The following CUX1 variants were observed in gnomAD, a reference collection of about 807,000 sequenced individuals.
CUX1 encodes the protein cut like homeobox 1.
Under a neutral mutation model 158.8 loss-of-function variants are expected in CUX1, and 31 were observed. That is an observed-to-expected ratio of 0.20 (90% CI 0.15 to 0.26). The LOEUF (loss-of-function observed/expected upper bound fraction) is 0.26, where lower values mean the gene tolerates loss of function less well. Among genes scored for constraint, CUX1 ranks in the 10% least tolerant of loss-of-function variants. CUX1 has a pLI of 1.00. For missense variants in CUX1, 1,589 were observed against 2,014.6 expected, an observed-to-expected ratio of 0.79 and a Z score of 4.04; for synonymous variants, 879 against 862.1, an observed-to-expected ratio of 1.02 and a Z score of -0.34.
At chr7:102,246,167 G>A (rs1800787169) in intron 23 of CUX1, among the ~76,000 whole-genome samples, 1 of 151,990 alleles carries the variant, frequency 6.6e-6, no homozygotes, top group East Asian at 1.9e-4. Flanking sequence ...TACCCATATA[G>A]CCTCCCGCCT....
At chr7:102,038,831 T>C (rs2129643499) in intron 3 of CUX1, among the ~76,000 whole-genome samples, 1 of 152,270 alleles carries the variant, frequency 6.6e-6, no homozygotes, top group Non-Finnish European at 1.5e-5. Flanking sequence ...GGCACATGCC[T>C]GTAGTCCCAG....
rs1554537827 is a variant in CUX1, at chr7:102,248,515, C to T, written c.3991C>T (p.Pro1331Ser). ...SPSARSGRAA[P>S]SSEGDSCDGV... The stretch of plus-strand genomic sequence containing the variant: ...CTCGGCCCGCAGCGGCCGGGCGGCG[C>T]CCAGCTCGGAGGGCGACAGCTGCGA... The change falls in exon 24 of 24, where the codon CCC becomes TCC. Residue 1331 changes from proline to serine, a missense_variant. Transcript: ENST00000292535. The surrounding 1 kb of genome is among the most constrained non-coding windows in gnomAD (Gnocchi z 5.8). 4.5e-6 allele frequency: 7 copies of T among 1,545,160 alleles called. 1 individual carries two copies. Among genetic ancestry groups the T allele is most frequent in the Non-Finnish European group, 6.1e-6 (7 of 1,149,046 alleles).
chr7:102,197,698 A>G (rs1193039431), intron 15 of CUX1, among the ~76,000 whole-genome samples: 1 of 152,114 alleles, frequency 6.6e-6, no homozygotes, highest in African/African-American at 2.4e-5. Flanking sequence ...CCATAGCAGC[A>G]ACGTTGACTG....
At chr7:101,839,106 T>C (rs1384844567) in intron 1 of CUX1, among the ~76,000 whole-genome samples, 1 of 152,206 alleles carries the variant, frequency 6.6e-6, no homozygotes, top group Non-Finnish European at 1.5e-5. Context: ...TCATGAGGGC[T>C]TTACCCTAGT....
At chr7:101,821,389 A>T (rs1174201564) in intron 1 of CUX1, among the ~76,000 whole-genome samples, 4 of 148,202 alleles carry the variant, frequency 2.7e-5, no homozygotes, top group African/African-American at 1.0e-4. Flanking sequence ...CCCAGGCCGG[A>T]GTGCAGAGGC....
chr7:101,880,810 C>T (rs1799627556), intron 1 of CUX1, among the ~76,000 whole-genome samples: 1 of 152,178 alleles, frequency 6.6e-6, no homozygotes, highest in South Asian at 2.1e-4. Context: ...CAGGCCATGA[C>T]CCCTTTAGGA....
chr7:101,995,769 G>A (rs1035680509), intron 2 of CUX1, among the ~76,000 whole-genome samples: 2 of 152,174 alleles, frequency 1.3e-5, no homozygotes, highest in Non-Finnish European at 2.9e-5. Context: ...GGACTTAGCA[G>A]AGTGGGAAGC....
chr7:102,047,565 TTAGTC>T (rs1230301698), intron 3 of CUX1, among the ~76,000 whole-genome samples: 1 of 146,438 alleles, frequency 6.8e-6, no homozygotes, highest in Admixed American at 6.8e-5. Flanking sequence ...GGATGGATGA[TTAGTC>T]TAGAGGTAGG....
chr7:101,860,735 C>CCCTTCATT (rs1797354691), intron 1 of CUX1, among the ~76,000 whole-genome samples: 1 of 90,442 alleles, frequency 1.1e-5, no homozygotes, highest in Non-Finnish European at 2.3e-5. Flanking sequence ...TCCCCTTCCT[C>CCCTTCATT]CCTTCCTTCC....
intron 8 of CUX1, among the ~76,000 whole-genome samples, chr7:102,136,515 C>T (rs1338305950): frequency 3.3e-5 from 5 of 152,068 alleles, no homozygotes; most frequent in Non-Finnish European, 7.4e-5. Flanking sequence ...CCTCAGCCTC[C>T]CCAATAGCTG....
intron 1 of CUX1, among the ~76,000 whole-genome samples, chr7:101,892,782 A>C (rs1268399679): frequency 6.6e-6 from 1 of 152,130 alleles, no homozygotes; most frequent in African/African-American, 2.4e-5. Flanking sequence ...GGAGAGCTGT[A>C]TTTAAATTTT....
At chr7:102,224,768 G>T (rs1001311615) in intron 20 of CUX1, among the ~76,000 whole-genome samples, 5 of 152,216 alleles carry the variant, frequency 3.3e-5, no homozygotes, top group Non-Finnish European at 7.3e-5. Flanking sequence ...TTTCGTGGTG[G>T]CTCTGCCTCC....
At chr7:102,271,028 G>T (rs971339044) in intron 14 of CUX1, among the ~76,000 whole-genome samples, 7 of 152,160 alleles carry the variant, frequency 4.6e-5, no homozygotes, top group Admixed American at 6.5e-5. Flanking sequence ...CACTGGGGTG[G>T]TCACAGACTG....
In CUX1 at chr7:101,869,877, G is replaced by T. The variant is rs1798304750; in HGVS notation, c.31-46238G>T. 6.6e-6 allele frequency among the ~76,000 whole-genome samples: 1 copy of T among 152,146 alleles called. No homozygotes were observed. Among genetic ancestry groups the T allele is most frequent in the African/African-American group, 2.4e-5 (1 of 41,426 alleles). ...TTGTTAAGACGCGCTCCGCCCCTGT[G>T]TCCTTATTTCCCACCGTGGTGGGCA... On this transcript the variant is annotated intron_variant, in intron 1 of 23. Transcript: ENST00000292535. The surrounding 1 kb of genome is among the most constrained non-coding windows in gnomAD (Gnocchi z 4.5).
intron 17 of CUX1, chr7:102,277,933 G>GGC: frequency 2.5e-6 from 2 of 799,642 alleles, no homozygotes; most frequent in Non-Finnish European, 3.6e-6. Context: ...CCCTTTCCTT[G>GGC]CCCCTCCCCC....
At chr7:102,087,740 C>T (rs1023744519) in intron 4 of CUX1, among the ~76,000 whole-genome samples, 5 of 152,124 alleles carry the variant, frequency 3.3e-5, no homozygotes, top group Non-Finnish European at 5.9e-5. Context: ...TATACTACAA[C>T]GCTATAATAC....
At chr7:102,266,433 GGGA>G (rs1790819370) in intron 14 of CUX1, among the ~76,000 whole-genome samples, 1 of 151,882 alleles carries the variant, frequency 6.6e-6, no homozygotes, top group African/African-American at 2.4e-5. Flanking sequence ...TGGGGAGGAA[GGGA>G]TCAGGCTGAA....
intron 1 of CUX1, among the ~76,000 whole-genome samples, chr7:101,910,045 A>G (rs1021254999): frequency 3.3e-5 from 5 of 152,054 alleles, no homozygotes; most frequent in African/African-American, 1.2e-4. Flanking sequence ...TCAGCCTCTC[A>G]AGTAGCTGGG....
rs1256801209 is a variant in CUX1, at chr7:102,252,701, T to C, written c.*3659T>C. The C allele has an allele frequency of 2.0e-6, 2 of 985,292 alleles. No individual in the cohort carries two copies. The highest frequency in any genetic ancestry group is 1.1e-4 in the East Asian group (1 of 8,826). 61.0% of individuals were successfully genotyped at this position (985,292 alleles called of 1,614,324 possible). ...TGTCCTAGACCTGTGCCCAACTCAC[T>C]TCCACCCCAGAGGAGTCTTCTGTCC... On this transcript the variant is annotated 3_prime_UTR_variant, in exon 24 of 24. Transcript: ENST00000292535.
Sources: gnomAD v4.1 joint callset for allele counts (sites outside exome capture counted in the v4.1 genomes callset) on GRCh38, gnomAD v4.1.1 for gene constraint, Gnocchi (gnomAD v3.1) non-coding constraint, MANE v1.5 for transcripts, NCBI Gene and HGNC (gene_info 2026-07-23, HGNC 2026-07-21) for gene names.